Variants in KDM3B observed in about 807,000 individuals in gnomAD.
KDM3B encodes lysine demethylase 3B.
In KDM3B, 10 loss-of-function variants were observed where a neutral mutation model predicts 170.0. The ratio of observed to expected loss-of-function variants is 0.06; its 90% CI spans 0.04 to 0.10. The LOEUF (loss-of-function observed/expected upper bound fraction) is 0.10. Among genes scored for constraint, KDM3B ranks in the 10% least tolerant of loss-of-function variants. The probability of loss-of-function intolerance (pLI) is 1.00; values close to 1 mark genes in which losing one functional copy is unlikely to be tolerated. For missense variants in KDM3B, 1,394 were observed against 2,195.2 expected, an observed-to-expected ratio of 0.64 and a Z score of 7.29; for synonymous variants, 831 against 834.8, an observed-to-expected ratio of 1.00 and a Z score of 0.08.
At chr5:138,397,953 ACTAAGAGGAAC>A in intron 9 of KDM3B, 1 of 436,130 alleles carries the variant, frequency 2.3e-6, no homozygotes, top group South Asian at 3.9e-5. Context: ...GAATGGAAAA[ACTAAGAGGAAC>A]TCTGGGACAG....
chr5:138,422,940 G>T (rs190097492), intron 15 of KDM3B, among the ~76,000 whole-genome samples: 1 of 152,172 alleles, frequency 6.6e-6, no homozygotes, highest in African/African-American at 2.4e-5. Context: ...TTCTCTTTTG[G>T]ATAAGTAACT....
chr5:138,355,786 AAAAG>A (rs1761434346), intron 1 of KDM3B, among the ~76,000 whole-genome samples: 1 of 152,226 alleles, frequency 6.6e-6, no homozygotes, highest in African/African-American at 2.4e-5. Flanking sequence ...ACAGACCAAA[AAAAG>A]AAACCCATGG....
At chr5:138,398,062 A>T in intron 9 of KDM3B, 116 bp from the exon 10 acceptor site, 2 of 769,012 alleles carry the variant, frequency 2.6e-6, no homozygotes, top group South Asian at 3.5e-5. Context: ...CGACTGGTGA[A>T]AATTCTTAGT....
At chr5:138,385,907 A>T in intron 6 of KDM3B, 115 bp from the exon 7 acceptor site, 1 of 1,222,214 alleles carries the variant, frequency 8.2e-7, no homozygotes, top group Non-Finnish European at 1.1e-6. Context: ...CTGGCATTGG[A>T]ACTTGGCAGT....
At chr5:138,372,992 T>G in intron 2 of KDM3B, 151 bp downstream of exon 2, 1 of 654,228 alleles carries the variant, frequency 1.5e-6, no homozygotes. Context: ...TTAGGAGCAG[T>G]CTTTTCTCCT....
At chr5:138,423,925 C>G (rs1470545823) in intron 15 of KDM3B, 150 bp from the exon 16 acceptor site, 5 of 663,904 alleles carry the variant, frequency 7.5e-6, no homozygotes, top group African/African-American at 1.8e-5. Flanking sequence ...TTATTATCCC[C>G]CTTCCAGTTG....
chr5:138,374,326 G>A (rs920545931), intron 2 of KDM3B: 15 of 435,532 alleles, frequency 3.4e-5, no homozygotes, highest in Admixed American at 1.2e-4. Context: ...GCAATGGCTC[G>A]ATCTCGGCTC....
intron 1 of KDM3B, among the ~76,000 whole-genome samples, chr5:138,356,260 G>A (rs533653733): frequency 2.6e-5 from 4 of 152,204 alleles, no homozygotes; most frequent in South Asian, 4.2e-4. Context: ...GAAATGGTTC[G>A]GTTAAGAAGT....
intron 5 of KDM3B, 72 bp from the exon 6 acceptor site, chr5:138,381,444 A>G (rs905246633): frequency 1.0e-5 from 10 of 971,040 alleles, no homozygotes; most frequent in Non-Finnish European, 1.6e-5. Flanking sequence ...AGATAATTAC[A>G]TTGATTAGGA....
At chr5:138,361,962 T>G (rs1204289814) in intron 1 of KDM3B, among the ~76,000 whole-genome samples, 1 of 152,098 alleles carries the variant, frequency 6.6e-6, no homozygotes, top group African/African-American at 2.4e-5. Flanking sequence ...TGAAGGCACT[T>G]GGGGAGCAGC....
chr5:138,431,589 G>A, intron 23 of KDM3B, 30 bp downstream of exon 23: 1 of 1,560,734 alleles, frequency 6.4e-7, no homozygotes, highest in South Asian at 1.2e-5. Context: ...ACCCCACTCT[G>A]TCTTCTCATT....
intron 4 of KDM3B, 40 bp downstream of exon 4, chr5:138,377,865 G>A (rs780438471): frequency 1.2e-5 from 17 of 1,427,638 alleles, no homozygotes; most frequent in Non-Finnish European, 1.7e-5. Flanking sequence ...CTCTGATTCA[G>A]GTGAATGATC....
rs1211766842 is a variant in KDM3B at position 138,391,493 on chromosome 5, C to G, written c.1861C>G (p.Leu621Val). 3 of 1,614,136 alleles carry G rather than the reference C, an allele frequency of 1.9e-6. No homozygotes were observed. The highest frequency in any genetic ancestry group is 2.5e-6 in the Non-Finnish European group (3 of 1,180,032). ...CCGTACCCCAGAGAATCATGAAAAT[C>G]TATTTTTACAGCCCCCCAAATTGTC... Reference protein sequence around the residue: ...NARTPENHENLFLQPPKLSRE... With the variant: ...NARTPENHENVFLQPPKLSRE... Residue 621 changes from leucine (L) to valine (V), a missense_variant, in exon 8 of 24, where the codon CTA becomes GTA. By Grantham distance (32) the Leu-to-Val change is conservative (BLOSUM62 1). Coordinates refer to ENST00000314358, the MANE Select transcript of KDM3B (RefSeq NM_016604.4). The surrounding 1 kb of genome is among the most constrained non-coding windows in gnomAD (Gnocchi z 5.0).
intron 16 of KDM3B, 47 bp downstream of exon 16, chr5:138,424,388 C>T: frequency 6.3e-7 from 1 of 1,580,262 alleles, no homozygotes; most frequent in South Asian, 1.2e-5. Flanking sequence ...TGCCTGCCTA[C>T]CACAGATACC....
chr5:138,360,825 CA>C (rs1761589235), intron 1 of KDM3B, among the ~76,000 whole-genome samples: 1 of 152,134 alleles, frequency 6.6e-6, no homozygotes, highest in East Asian at 1.9e-4. Flanking sequence ...CTCCTGACCG[CA>C]AGTGATCTGT....
At chr5:138,354,818 G>A (rs138151356) in intron 1 of KDM3B, among the ~76,000 whole-genome samples, 254 of 152,300 alleles carry the variant, frequency 1.7e-3, no homozygotes, top group African/African-American at 5.8e-3. Flanking sequence ...GCAAAGGCAG[G>A]TTTGTATTTT....
chr5:138,421,508 A>G (rs1744985566), intron 15 of KDM3B, among the ~76,000 whole-genome samples: 2 of 152,148 alleles, frequency 1.3e-5, no homozygotes, highest in South Asian at 4.1e-4. Context: ...TATATTCAGA[A>G]TCCACTCATT....
intron 1 of KDM3B, among the ~76,000 whole-genome samples, chr5:138,358,302 C>CTTTTTTTTTT (rs201804669): frequency 3.6e-5 from 4 of 109,804 alleles, no homozygotes; most frequent in Non-Finnish European, 7.2e-5. Context: ...TTCTTTCTTT[C>CTTTTTTTTTT]TTTCTTTTTT....
At chr5:138,381,065 G>A (rs1056541745) in intron 5 of KDM3B, among the ~76,000 whole-genome samples, 9 of 151,634 alleles carry the variant, frequency 5.9e-5, no homozygotes, top group Non-Finnish European at 1.3e-4. Flanking sequence ...GTAGAAACAG[G>A]GTTTCACCAT....
Sources: allele counts gnomAD v4.1 joint callset (sites outside exome capture counted in the v4.1 genomes callset), GRCh38; gene constraint gnomAD v4.1.1; non-coding constraint Gnocchi (gnomAD v3.1); transcripts MANE v1.5; gene names NCBI Gene and HGNC (gene_info 2026-07-23, HGNC 2026-07-21).